LPP: variants seen among roughly 807,000 people sequenced by gnomAD.
LPP encodes the protein lipoma-preferred partner.
A neutral mutation model predicts 60.4 loss-of-function variants in LPP; 38 were observed. That is an observed-to-expected ratio of 0.63 (90% CI 0.49 to 0.83). The LOEUF (loss-of-function observed/expected upper bound fraction) is 0.83, where lower values mean the gene tolerates loss of function less well. LPP is among the 40% of genes least tolerant of loss of function. The pLI is 0.00. For synonymous variants in LPP, 328 were observed against 290.8 expected (o/e 1.13, Z -1.30); for missense variants, 902 against 783.6 (o/e 1.15, Z -1.80).
chr3:188,877,572 G>A lies in LPP; in HGVS notation c.*3093G>A, dbSNP rs1246343502. The A allele has an allele frequency of 5.3e-6, 1 of 187,218 alleles. No individual in the cohort carries two copies. Among genetic ancestry groups the A allele is most frequent in the Non-Finnish European group, 1.1e-5 (1 of 88,728 alleles). 11.6% of individuals were successfully genotyped at this position (187,218 alleles called of 1,614,324 possible). ...TTAAAACTCGAAAATAAGGCCAGGT[G>A]TGGTGACTCACACTTGTAATCCCAG... On this transcript the variant is annotated 3_prime_UTR_variant, in exon 12 of 12. Transcript: ENST00000617246.
intron 4 of LPP, among the ~76,000 whole-genome samples, chr3:188,448,511 A>T (rs1248993263): frequency 6.6e-6 from 1 of 151,406 alleles, no homozygotes; most frequent in Admixed American, 6.6e-5. Flanking sequence ...AATAAATGTT[A>T]ATTTATTCTG....
intron 7 of LPP, among the ~76,000 whole-genome samples, chr3:188,633,759 A>G (rs1261093006): frequency 6.6e-6 from 1 of 152,212 alleles, no homozygotes; most frequent in East Asian, 1.9e-4. Context: ...TATCATCTAT[A>G]TATCATTCAT....
At chr3:188,169,554 A>G (rs1196561827) in intron 1 of LPP, among the ~76,000 whole-genome samples, 3 of 152,236 alleles carry the variant, frequency 2.0e-5, no homozygotes. Flanking sequence ...TAAGTTTGGA[A>G]AAGTCCAAGT....
chr3:188,759,255 ATATG>A (rs1731351416), intron 8 of LPP: 2 of 152,252 alleles, frequency 1.3e-5, no homozygotes, highest in African/African-American at 4.8e-5. Context: ...CCTGATGTCC[ATATG>A]TAGGCCAGAT....
In LPP at chr3:188,609,303, T is replaced by A; in HGVS notation, c.572T>A (p.Ile191Asn). Residue 191 changes from isoleucine (I) to asparagine (N), a missense_variant, in exon 7 of 12, where the codon ATC becomes AAC. Physicochemically the swap from Ile to Asn is moderately radical, Grantham distance 149. Coordinates refer to ENST00000617246, the MANE Select transcript of LPP (RefSeq NM_001375462.1). The surrounding 1 kb of genome is among the most constrained non-coding windows in gnomAD (Gnocchi z 6.9). ...CAGCCTGCACCCCAGGCTGGACCCA[T>A]CCCTGTGGCTCCAATCGGAACACTC... The part of the protein sequence containing the change: ...KPQPAPQAGP[I>N]PVAPIGTLKP... The A allele has an allele frequency of 6.2e-7, 1 of 1,613,934 alleles. No homozygotes were observed. Among genetic ancestry groups the A allele is most frequent in the Non-Finnish European group, 8.5e-7 (1 of 1,180,002 alleles).
chr3:188,742,771 T>C (rs1476196191), intron 8 of LPP, among the ~76,000 whole-genome samples: 1 of 152,162 alleles, frequency 6.6e-6, no homozygotes, highest in Non-Finnish European at 1.5e-5. Flanking sequence ...TGTATTGAAA[T>C]TCATCAAAGT....
chr3:188,545,270 TAA>T (rs11366638), intron 6 of LPP, among the ~76,000 whole-genome samples: 57,232 of 144,770 alleles, frequency 0.4, 12,737 homozygotes, highest in East Asian at 0.92. Flanking sequence ...AAAAAAACAT[TAA>T]AAAAAAAAAA....
chr3:188,280,420 C>T (rs1256479288), intron 2 of LPP, among the ~76,000 whole-genome samples: 6 of 152,202 alleles, frequency 3.9e-5, no homozygotes, highest in African/African-American at 1.2e-4. Flanking sequence ...TCATGGACCA[C>T]GAATGCCGCA....
intron 5 of LPP, among the ~76,000 whole-genome samples, chr3:188,515,573 C>G (rs1285149888): frequency 6.6e-6 from 1 of 152,140 alleles, no homozygotes; most frequent in African/African-American, 2.4e-5. Flanking sequence ...TTATTTAATG[C>G]TGTGTTCTCA....
chr3:188,337,700 A>G (rs1047770413), intron 2 of LPP, among the ~76,000 whole-genome samples: 2 of 151,922 alleles, frequency 1.3e-5, no homozygotes, highest in African/African-American at 2.4e-5. Context: ...GGGTTTCCCT[A>G]TGTTGCCCAG....
intron 9 of LPP, among the ~76,000 whole-genome samples, chr3:188,842,408 T>C (rs1264185777): frequency 6.6e-6 from 1 of 152,186 alleles, no homozygotes. Context: ...GAACTCCTTA[T>C]ATATTCTGGT....
chr3:188,625,021 A>G (rs1846570802), intron 7 of LPP, among the ~76,000 whole-genome samples: 1 of 151,252 alleles, frequency 6.6e-6, no homozygotes, highest in Non-Finnish European at 1.5e-5. Context: ...AGGTTTCTAT[A>G]TCCCTTTATT....
At chr3:188,529,334 C>T (rs1821520405) in intron 6 of LPP, among the ~76,000 whole-genome samples, 5 of 152,112 alleles carry the variant, frequency 3.3e-5, no homozygotes, top group Admixed American at 2.0e-4. Context: ...TTGTTCAAAG[C>T]AAATTTCAAA....
Position 188,883,240 on chromosome 3 carries a change from A to G in LPP, c.*8761A>G. 1 of 213,616 alleles carries G rather than the reference A, an allele frequency of 4.7e-6. No individual in the cohort carries two copies. The highest frequency in any genetic ancestry group is 6.9e-5 in the East Asian group (1 of 14,510). 13.2% of individuals were successfully genotyped at this position (213,616 alleles called of 1,614,324 possible). ...CATTGCATTACTTTTTTGAATTTTT[A>G]AGAATCTCTAAAATTAGTCTGAAGG... On this transcript the variant is annotated 3_prime_UTR_variant, in exon 12 of 12. Transcript: ENST00000617246.
At chr3:188,183,635 G>A (rs572656696) in intron 1 of LPP, among the ~76,000 whole-genome samples, 13 of 152,006 alleles carry the variant, frequency 8.6e-5, no homozygotes, top group African/African-American at 3.1e-4. Flanking sequence ...GTGGCAAAGC[G>A]GAATAGAACT....
At chr3:188,760,381 C>T in intron 9 of LPP, 99 bp downstream of exon 9, 2 of 1,235,542 alleles carry the variant, frequency 1.6e-6, no homozygotes, top group Non-Finnish European at 2.3e-6. Flanking sequence ...ATCTTTGCTT[C>T]TTCCTAGACT....
At chr3:188,261,612 A>C (rs1229936021) in intron 2 of LPP, among the ~76,000 whole-genome samples, 1 of 152,208 alleles carries the variant, frequency 6.6e-6, no homozygotes, top group Non-Finnish European at 1.5e-5. Flanking sequence ...GAAAAAAGGA[A>C]AAACAATTCT....
intron 9 of LPP, among the ~76,000 whole-genome samples, chr3:188,819,637 T>TG (rs1417952069): frequency 1.3e-5 from 2 of 152,116 alleles, no homozygotes; most frequent in African/African-American, 4.8e-5. Context: ...AGACGGAGTA[T>TG]GATCTTTGAC....
At chr3:188,183,713 G>A (rs997410828) in intron 1 of LPP, among the ~76,000 whole-genome samples, 5 of 143,106 alleles carry the variant, frequency 3.5e-5, no homozygotes, top group Non-Finnish European at 6.1e-5. Flanking sequence ...ATCATTTCCC[G>A]TAATCCTGTA....
Sources: gnomAD v4.1 joint callset for allele counts (sites outside exome capture counted in the v4.1 genomes callset) on GRCh38, gnomAD v4.1.1 for gene constraint, Gnocchi (gnomAD v3.1) non-coding constraint, MANE v1.5 for transcripts, NCBI Gene and HGNC (gene_info 2026-07-23, HGNC 2026-07-21) for gene names.